ARMC2: variants seen among roughly 807,000 people sequenced by gnomAD.
ARMC2 encodes the protein armadillo repeat-containing protein 2.
ARMC2 carries 67 observed loss-of-function variants against 90.3 expected under a neutral mutation model. The ratio of observed to expected loss-of-function variants is 0.74; its 90% confidence interval spans 0.61 to 0.91. The LOEUF is 0.91. Ranked by LOEUF, ARMC2 falls within the 40% of genes least tolerant of loss-of-function variation. ARMC2 has a pLI of 0.00. For missense variants in ARMC2, 920 were observed against 1,030.9 expected (o/e 0.89, Z 1.47); for synonymous variants, 393 against 393.0 (o/e 1.00, Z 0.00).
intron 6 of ARMC2, among the ~76,000 whole-genome samples, chr6:108,897,507 T>A (rs1187622234): frequency 6.6e-6 from 1 of 152,142 alleles, no homozygotes; most frequent in East Asian, 1.9e-4. Context: ...TGACAACCTC[T>A]ATTTACTTTT....
intron 7 of ARMC2, among the ~76,000 whole-genome samples, chr6:108,901,921 C>T (rs75759293): frequency 0.033 from 5,001 of 152,232 alleles, 218 homozygotes; most frequent in East Asian, 0.2. Context: ...CAGACTGTCC[C>T]GCAAATTGGG....
chr6:108,906,619 C>A (rs2768567), intron 8 of ARMC2, among the ~76,000 whole-genome samples: 2 of 151,788 alleles, frequency 1.3e-5, no homozygotes. Context: ...GAGCTTAGGA[C>A]CACAGGCATG....
At chr6:108,934,444 T>C (rs2128491127) in intron 11 of ARMC2, among the ~76,000 whole-genome samples, 2 of 152,344 alleles carry the variant, frequency 1.3e-5, no homozygotes, top group South Asian at 4.1e-4. Context: ...ATGAGTTACA[T>C]TGACCTGTAT....
Position 108,895,471 on chromosome 6 carries a change from G to A in ARMC2, c.748+928G>A, listed in dbSNP as rs563199655. On this transcript the variant is annotated intron_variant, in intron 6 of 17. Transcript: ENST00000392644. ...TGCACTCCAGCCTGGGCGACAGAGC[G>A]AGACTCATCTCAAAAAAAAAAAAAA... is the stretch of plus-strand genomic sequence containing the variant. Among the ~76,000 whole-genome samples, 5 of 109,012 alleles carry A rather than the reference G, an allele frequency of 4.6e-5. No individual in the cohort carries two copies. The East Asian group carries it at 8.2e-4, about 18-fold the overall frequency. 71.5% of individuals were successfully genotyped at this position (109,012 alleles called of 152,430 possible).
At chr6:108,908,139 G>A (rs955023431) in intron 8 of ARMC2, among the ~76,000 whole-genome samples, 12 of 48,486 alleles carry the variant, frequency 2.5e-4, no homozygotes, top group African/African-American at 4.6e-4. Context: ...CGGTAGTGCT[G>A]GGGGGGGCCT....
At chr6:108,896,104 G>A (rs999766331) in intron 6 of ARMC2, among the ~76,000 whole-genome samples, 7 of 151,830 alleles carry the variant, frequency 4.6e-5, no homozygotes, top group Non-Finnish European at 1.0e-4. Context: ...CTTTACTCAG[G>A]AAAATCTTAG....
Position 108,855,197 on chromosome 6 carries a change from A to T in ARMC2, c.218+712A>T, listed in dbSNP as rs146958211. ...GCAACTACAAATAAAGCTGCTATAAACATCCATGTGTAAGTTTCTGTGTGG... is the reference window on the plus strand; with the variant it reads ...GCAACTACAAATAAAGCTGCTATAATCATCCATGTGTAAGTTTCTGTGTGG... On this transcript the variant is annotated intron_variant, in intron 2 of 17. Coordinates refer to ENST00000392644, the MANE Select transcript of ARMC2 (RefSeq NM_032131.6). Among the ~76,000 whole-genome samples, 1,286 of 152,028 alleles carry T rather than the reference A, an allele frequency of 8.5e-3. 17 individuals are homozygous for T. The highest frequency in any genetic ancestry group is 0.029 in the African/African-American group (1,209 of 41,472).
At chr6:108,920,926 G>C (rs998449992) in intron 10 of ARMC2, among the ~76,000 whole-genome samples, 1 of 152,144 alleles carries the variant, frequency 6.6e-6, no homozygotes, top group Non-Finnish European at 1.5e-5. Context: ...GGATGGCCAG[G>C]AGTGTTATGC....
At chr6:108,955,519 T>G (rs1455677422) in intron 13 of ARMC2, among the ~76,000 whole-genome samples, 1 of 152,188 alleles carries the variant, frequency 6.6e-6, no homozygotes, top group Non-Finnish European at 1.5e-5. Flanking sequence ...GGTCACAAAG[T>G]TAGCAAGTGG....
Position 108,964,166 on chromosome 6 carries a change from C to G in ARMC2, c.2153-14C>G, listed in dbSNP as rs761036366. On this transcript the variant is annotated splice_polypyrimidine_tract_variant and intron_variant, in intron 15 of 17. Coordinates refer to ENST00000392644, the MANE Select transcript of ARMC2 (RefSeq NM_032131.6). Reference sequence around the variant, plus strand: ...GAACTTTTACTGGTCTGCATTTGCTCTCTTCCCTCGTAGTCCACAGGTTCA... The same window carrying G: ...GAACTTTTACTGGTCTGCATTTGCTGTCTTCCCTCGTAGTCCACAGGTTCA... 1.9e-5 allele frequency: 31 copies of G among 1,609,638 alleles called. No individual in the cohort carries two copies. Among genetic ancestry groups the G allele is most frequent in the East Asian group, 4.5e-5 (2 of 44,870 alleles).
intron 12 of ARMC2, among the ~76,000 whole-genome samples, chr6:108,937,331 G>A (rs1776036976): frequency 1.3e-5 from 2 of 152,118 alleles, no homozygotes; most frequent in Admixed American, 6.5e-5. Flanking sequence ...CACCCCAAGG[G>A]TTATTTCCGT....
chr6:109,048,680 C>T, the ARMC2 span, among the ~76,000 whole-genome samples: 2 of 152,106 alleles, frequency 1.3e-5, no homozygotes, highest in Non-Finnish European at 2.9e-5. Flanking sequence ...AAATCTTATT[C>T]CCTAATACAG....
chr6:109,038,909 G>C, the ARMC2 span, among the ~76,000 whole-genome samples: 1 of 143,166 alleles, frequency 7.0e-6, no homozygotes, highest in South Asian at 2.1e-4. Context: ...GGAGAAAAAA[G>C]GAAGGAGGAG....
At chr6:108,925,031 T>A (rs1423536796) in intron 10 of ARMC2, among the ~76,000 whole-genome samples, 1 of 152,166 alleles carries the variant, frequency 6.6e-6, no homozygotes, top group Non-Finnish European at 1.5e-5. Flanking sequence ...CAGAGGCTGG[T>A]CCCCTTCCAG....
chr6:108,994,313 A>T, the ARMC2 span: 1 of 554,246 alleles, frequency 1.8e-6, no homozygotes, highest in Non-Finnish European at 2.9e-6. Flanking sequence ...TGCTTGCTTT[A>T]AAAATTATTT....
chr6:108,920,228 C>T (rs1408862802), intron 10 of ARMC2, among the ~76,000 whole-genome samples: 1 of 152,046 alleles, frequency 6.6e-6, no homozygotes. Flanking sequence ...CTTGCTCTGT[C>T]GCCCAGGCCA....
At chr6:108,954,363 G>T (rs538360947) in intron 13 of ARMC2, among the ~76,000 whole-genome samples, 1 of 152,166 alleles carries the variant, frequency 6.6e-6, no homozygotes, top group Admixed American at 6.5e-5. Flanking sequence ...GGTGGCTCAG[G>T]CCTGTAATCC....
chr6:108,899,482 T>C (rs1247364343), intron 6 of ARMC2, among the ~76,000 whole-genome samples: 1 of 152,258 alleles, frequency 6.6e-6, no homozygotes, highest in Non-Finnish European at 1.5e-5. Flanking sequence ...TTTAAAGTTC[T>C]GATTTTTTAC....
At chr6:108,968,949 G>C (rs1778566022) in intron 17 of ARMC2, among the ~76,000 whole-genome samples, 1 of 152,198 alleles carries the variant, frequency 6.6e-6, no homozygotes, top group African/African-American at 2.4e-5. Flanking sequence ...TTATACTGCA[G>C]TCATGTCTTA....
Sources: gnomAD v4.1 joint callset for allele counts (sites outside exome capture counted in the v4.1 genomes callset) on GRCh38, gnomAD v4.1.1 for gene constraint, MANE v1.5 for transcripts, NCBI Gene and HGNC (gene_info 2026-07-23, HGNC 2026-07-21) for gene names.